The following POFUT3 variants were observed in gnomAD, a reference collection of about 807,000 sequenced individuals.
The protein encoded by POFUT3 is protein O-fucosyltransferase 3, also known as GDP-fucose protein O-fucosyltransferase 3.
At chr8:33,373,055 G>A in the POFUT3 span, among the ~76,000 whole-genome samples, 17 of 152,188 alleles carry the variant, frequency 1.1e-4, no homozygotes, top group East Asian at 2.7e-3. Context: ...ATATACTTAA[G>A]ATCGAATATA....
chr8:33,357,701 A>G, the POFUT3 span, among the ~76,000 whole-genome samples: 1 of 152,014 alleles, frequency 6.6e-6, no homozygotes, highest in Non-Finnish European at 1.5e-5. Flanking sequence ...ATACACGTGC[A>G]CATACACATG....
the POFUT3 span, among the ~76,000 whole-genome samples, chr8:33,333,606 G>C: frequency 7.4e-6 from 1 of 135,848 alleles, no homozygotes; most frequent in Non-Finnish European, 1.5e-5. Context: ...GAGAGCAAAT[G>C]GAATAGGCAA....
chr8:33,308,594 A>C, the POFUT3 span, among the ~76,000 whole-genome samples: 1 of 152,166 alleles, frequency 6.6e-6, no homozygotes, highest in Non-Finnish European at 1.5e-5. Context: ...GGACACAAAC[A>C]ATGGTCACCA....
chr8:33,318,540 A>G, the POFUT3 span, among the ~76,000 whole-genome samples: 3 of 115,798 alleles, frequency 2.6e-5, no homozygotes, highest in Non-Finnish European at 4.9e-5. Flanking sequence ...TAATATAATT[A>G]GCTATTTTAT....
chr8:33,389,273 A>AC, the POFUT3 span: 1 of 1,614,090 alleles, frequency 6.2e-7, no homozygotes, highest in South Asian at 1.1e-5. Flanking sequence ...TACAGGGACT[A>AC]CCCCCAGTTT....
At chr8:33,356,683 C>G in the POFUT3 span, among the ~76,000 whole-genome samples, 5 of 151,650 alleles carry the variant, frequency 3.3e-5, no homozygotes, top group Non-Finnish European at 7.4e-5. Flanking sequence ...TAATTAGATC[C>G]CATTTGTCAA....
the POFUT3 span, among the ~76,000 whole-genome samples, chr8:33,407,949 C>A: frequency 6.9e-6 from 1 of 145,782 alleles, no homozygotes; most frequent in South Asian, 2.2e-4. Flanking sequence ...GATGGCACCA[C>A]TGCACTCCAT....
At chr8:33,358,282 G>T in the POFUT3 span, among the ~76,000 whole-genome samples, 2 of 152,022 alleles carry the variant, frequency 1.3e-5, no homozygotes, top group African/African-American at 4.8e-5. Context: ...ATTTTAAAAA[G>T]GGATATTCTG....
the POFUT3 span, among the ~76,000 whole-genome samples, chr8:33,443,136 T>G: frequency 1.3e-5 from 2 of 152,102 alleles, no homozygotes; most frequent in Admixed American, 6.6e-5. Context: ...AAAGAAAGAA[T>G]TATGTCTTTA....
the POFUT3 span, among the ~76,000 whole-genome samples, chr8:33,382,614 G>A: frequency 2.0e-5 from 3 of 152,124 alleles, no homozygotes; most frequent in African/African-American, 7.2e-5. Flanking sequence ...TCTGGCAGTG[G>A]GTGTAAAGAA....
chr8:33,392,103 C>A, the POFUT3 span, among the ~76,000 whole-genome samples: 10 of 152,248 alleles, frequency 6.6e-5, no homozygotes, highest in African/African-American at 2.2e-4. Context: ...GGGACCTAGC[C>A]TTCCAGAAAT....
At chr8:33,413,430 G>A in the POFUT3 span, among the ~76,000 whole-genome samples, 1 of 151,886 alleles carries the variant, frequency 6.6e-6, no homozygotes, top group South Asian at 2.1e-4. Context: ...CAAGAAGGTG[G>A]CTGTCTGCAA....
the POFUT3 span, among the ~76,000 whole-genome samples, chr8:33,468,233 GTGTCTCAA>G: frequency 1.0e-5 from 1 of 99,150 alleles, no homozygotes. Flanking sequence ...GAATGAAACT[GTGTCTCAA>G]AAAAAAAAAA....
chr8:33,367,494 C>T, the POFUT3 span, among the ~76,000 whole-genome samples: 1 of 150,284 alleles, frequency 6.7e-6, no homozygotes, highest in East Asian at 2.0e-4. Flanking sequence ...CTGTTTGGGG[C>T]TCTCAGCTCT....
chr8:33,346,124 C>T, the POFUT3 span, among the ~76,000 whole-genome samples: 36 of 150,092 alleles, frequency 2.4e-4, no homozygotes, highest in African/African-American at 7.6e-4. Flanking sequence ...CGTGCCTGGC[C>T]CTACATTTTT....
the POFUT3 span, among the ~76,000 whole-genome samples, chr8:33,318,921 TAC>T: frequency 2.2e-5 from 1 of 46,112 alleles, no homozygotes; most frequent in Non-Finnish European, 3.1e-5. Flanking sequence ...ATTTATATAA[TAC>T]ATAAATATAT....
the POFUT3 span, among the ~76,000 whole-genome samples, chr8:33,411,813 T>A: frequency 6.6e-6 from 1 of 151,978 alleles, no homozygotes; most frequent in Non-Finnish European, 1.5e-5. Flanking sequence ...ATAAAAATAA[T>A]AATGATAATC....
the POFUT3 span, among the ~76,000 whole-genome samples, chr8:33,310,690 CA>C: frequency 3.1e-3 from 397 of 127,984 alleles, no homozygotes; most frequent in Admixed American, 2.8e-3. Flanking sequence ...GACTCCATCT[CA>C]AAAAAAAAAA....
chr8:33,372,253 C>T, the POFUT3 span: 1 of 1,051,086 alleles, frequency 9.5e-7, no homozygotes, highest in African/African-American at 1.7e-5. Flanking sequence ...ATAGCTAGAT[C>T]GTCTCCCTCC....
Sources: allele counts gnomAD v4.1 joint callset (sites outside exome capture counted in the v4.1 genomes callset), GRCh38; gene constraint gnomAD v4.1.1; transcripts MANE v1.5; gene names NCBI Gene and HGNC (gene_info 2026-07-23, HGNC 2026-07-21).